The following GPC3 variants were observed in gnomAD, a reference collection of about 807,000 sequenced individuals.
The protein encoded by GPC3 is glypican 3.
In GPC3, 3 loss-of-function variants were observed where a neutral mutation model predicts 34.4. That is an observed-to-expected ratio of 0.09 (90% CI 0.04 to 0.23). The LOEUF is 0.23. Among genes scored for constraint, GPC3 ranks in the 10% least tolerant of loss-of-function variants. The probability of loss-of-function intolerance (pLI) is 1.00; values close to 1 mark genes in which losing one functional copy is unlikely to be tolerated. For synonymous variants in GPC3, 177 were observed against 174.0 expected (o/e 1.02, Z -0.13); for missense variants, 351 against 445.6 (o/e 0.79, Z 1.91).
chrX:133,827,876 C>T (rs368438992), intron 2 of GPC3, among the ~76,000 whole-genome samples: 4 of 90,403 alleles, frequency 4.4e-5, no homozygotes, highest in Admixed American at 1.4e-4. Flanking sequence ...ACCCGGGAGG[C>T]GGAGGTTGCA....
intron 2 of GPC3, among the ~76,000 whole-genome samples, chrX:133,840,148 T>A (rs1368493387): frequency 1.8e-5 from 2 of 110,871 alleles, no homozygotes; most frequent in Non-Finnish European, 3.8e-5. Context: ...TAATATCCTT[T>A]ATAGATACTT....
intron 6 of GPC3, among the ~76,000 whole-genome samples, chrX:133,610,664 T>C (rs2070100163): frequency 9.5e-6 from 1 of 105,025 alleles, no homozygotes; most frequent in South Asian, 4.6e-4. Flanking sequence ...TTTCCGTCTT[T>C]GAAGAAATCA....
At chrX:133,622,793 T>C (rs2070248667) in intron 6 of GPC3, among the ~76,000 whole-genome samples, 1 of 111,250 alleles carries the variant, frequency 9.0e-6, no homozygotes, top group Admixed American at 9.6e-5. Context: ...CAGGCCAACA[T>C]TCAAATTCAG....
intron 6 of GPC3, among the ~76,000 whole-genome samples, chrX:133,659,537 C>T (rs754043713): frequency 9.0e-6 from 1 of 111,591 alleles, no homozygotes; most frequent in East Asian, 2.8e-4. Flanking sequence ...CACCCAAAAC[C>T]GATGAGCAGC....
At chrX:133,808,164 AC>A (rs1259102590) in intron 2 of GPC3, among the ~76,000 whole-genome samples, 2 of 112,605 alleles carry the variant, frequency 1.8e-5, no homozygotes, top group East Asian at 2.8e-4. Context: ...TCATGACAGG[AC>A]CCTGAGAATA....
At chrX:133,581,911 A>G (rs2069735318) in intron 7 of GPC3, among the ~76,000 whole-genome samples, 1 of 112,542 alleles carries the variant, frequency 8.9e-6, no homozygotes. Context: ...TAATGGCTAC[A>G]GAGACAACAT....
chrX:133,821,528 G>T (rs2075718534), intron 2 of GPC3, among the ~76,000 whole-genome samples: 1 of 111,494 alleles, frequency 9.0e-6, no homozygotes, highest in Non-Finnish European at 1.9e-5. Context: ...AGGTAAGCTG[G>T]GGCTATAGAG....
At chrX:133,764,613 AAGC>A (rs1202354734) in intron 2 of GPC3, among the ~76,000 whole-genome samples, 5 of 111,985 alleles carry the variant, frequency 4.5e-5, no homozygotes, top group Admixed American at 9.5e-5. Context: ...ACCCTTGAAA[AAGC>A]AGGAAAGTAG....
chrX:133,730,104 T>C (rs1856563756), intron 3 of GPC3, among the ~76,000 whole-genome samples: 1 of 112,072 alleles, frequency 8.9e-6, no homozygotes, highest in Admixed American at 9.4e-5. Context: ...GGTCATTCTA[T>C]AATTCAATTG....
chrX:133,901,781 G>A (rs1055251634), intron 2 of GPC3, among the ~76,000 whole-genome samples: 1 of 112,091 alleles, frequency 8.9e-6, no homozygotes, highest in African/African-American at 3.2e-5. Context: ...CCTGAAGAGG[G>A]GGGAAAAGGT....
At chrX:133,830,195 C>T (rs760785637) in intron 2 of GPC3, among the ~76,000 whole-genome samples, 20 of 111,167 alleles carry the variant, frequency 1.8e-4, no homozygotes, top group Admixed American at 2.9e-4. Context: ...TATACATTCC[C>T]GGAATACAAC....
intron 3 of GPC3, among the ~76,000 whole-genome samples, chrX:133,722,988 T>G (rs1419362237): frequency 9.0e-6 from 1 of 111,705 alleles, no homozygotes; most frequent in Non-Finnish European, 1.9e-5. Flanking sequence ...TGTCTACAGA[T>G]GTTATTTTCA....
chrX:133,918,727 C>A (rs2076235199), intron 2 of GPC3, among the ~76,000 whole-genome samples: 1 of 111,690 alleles, frequency 9.0e-6, no homozygotes, highest in Non-Finnish European at 1.9e-5. Context: ...GAGTGGATGG[C>A]ACCTTGACAT....
intron 6 of GPC3, among the ~76,000 whole-genome samples, chrX:133,605,951 A>G (rs914141501): frequency 8.9e-6 from 1 of 111,786 alleles, no homozygotes; most frequent in African/African-American, 3.3e-5. Context: ...GTATCAGCAA[A>G]GCTACCCACA....
chrX:133,791,751 C>A (rs1402186984), intron 2 of GPC3, among the ~76,000 whole-genome samples: 4 of 110,310 alleles, frequency 3.6e-5, no homozygotes, highest in Non-Finnish European at 7.6e-5. Context: ...GTCACCCCAC[C>A]TGCATCTCTC....
rs192542139 is a variant in GPC3 at position 133,848,636 on chromosome X, C to T, written c.338-94460G>A. On this transcript the variant is annotated intron_variant, in intron 2 of 7. Transcript: ENST00000370818. ...TTTTTTTCATGAAAGTCATTAAAAG[C>T]ATAAAGTTCAAAGGCACAACCTTCC... is the stretch of plus-strand genomic sequence containing the variant. 2.6e-4 allele frequency among the ~76,000 whole-genome samples: 29 copies of T among 111,528 alleles called. No individual in the cohort carries two copies. The East Asian group carries it at 8.1e-3, about 31-fold the overall frequency.
intron 7 of GPC3, among the ~76,000 whole-genome samples, chrX:133,546,588 G>C (rs1351098597): frequency 8.1e-5 from 9 of 111,231 alleles, no homozygotes; most frequent in Non-Finnish European, 1.5e-4. Flanking sequence ...AAGTTACAGA[G>C]TTTCTTTTTG....
chrX:133,555,439 T>TTCTGTTTA (rs2069479076), intron 7 of GPC3, among the ~76,000 whole-genome samples: 2 of 112,534 alleles, frequency 1.8e-5, no homozygotes, highest in South Asian at 7.3e-4. Flanking sequence ...TCGCTGAGGA[T>TTCTGTTTA]TCTCAAATCT....
At chrX:133,831,758 C>A (rs773206256) in intron 2 of GPC3, among the ~76,000 whole-genome samples, 29 of 112,203 alleles carry the variant, frequency 2.6e-4, no homozygotes, top group Non-Finnish European at 4.3e-4. Context: ...AAAAAATAAA[C>A]AATCCAATTT....
Sources: gnomAD v4.1 joint callset for allele counts (sites outside exome capture counted in the v4.1 genomes callset) on GRCh38, gnomAD v4.1.1 for gene constraint, MANE v1.5 for transcripts, NCBI Gene and HGNC (gene_info 2026-07-23, HGNC 2026-07-21) for gene names.